ZBTB41: variants seen among roughly 807,000 people sequenced by gnomAD.
ZBTB41 encodes the protein zinc finger and BTB domain containing 41.
In ZBTB41, 42 loss-of-function variants were observed where a neutral mutation model predicts 87.6. That is an observed-to-expected ratio of 0.48 (90% CI 0.37 to 0.62). The LOEUF (loss-of-function observed/expected upper bound fraction) is 0.62, where lower values mean the gene tolerates loss of function less well. Ranked by LOEUF, ZBTB41 falls within the 20% of genes least tolerant of loss-of-function variation. The pLI is 0.00. For synonymous variants in ZBTB41, 364 were observed against 364.0 expected, an observed-to-expected ratio of 1.00 and a Z score of 0.00; for missense variants, 799 against 1,078.9, an observed-to-expected ratio of 0.74 and a Z score of 3.63.
At position 197,190,453 on chromosome 1, in the gene ZBTB41, G is replaced by C. The variant is rs564348651; in HGVS notation, c.1398+309C>G. 9.2e-5 allele frequency among the ~76,000 whole-genome samples: 14 copies of C among 152,142 alleles called. 1 individual carries two copies. The highest frequency in any genetic ancestry group is 1.9e-4 in the Non-Finnish European group (13 of 68,028). ...TTAACACCACATACCCAGAAATGGG[G>C]GAGAAAGTCTAACATTTTATACTCT... On this transcript the variant is annotated intron_variant, in intron 4 of 10. Coordinates refer to ENST00000367405, the MANE Select transcript of ZBTB41 (RefSeq NM_194314.3).
intron 5 of ZBTB41, among the ~76,000 whole-genome samples, chr1:197,181,946 T>C (rs1450324025): frequency 6.6e-6 from 1 of 152,182 alleles, no homozygotes; most frequent in Admixed American, 6.6e-5. Flanking sequence ...AAACCTCTAA[T>C]ATTTCATTTT....
intron 9 of ZBTB41, among the ~76,000 whole-genome samples, chr1:197,172,919 A>C (rs1557978423): frequency 6.6e-6 from 1 of 152,096 alleles, no homozygotes; most frequent in South Asian, 2.1e-4. Flanking sequence ...AAATTTAAAA[A>C]TGAAATATTA....
In ZBTB41 at chr1:197,199,388, C is replaced by G; in HGVS notation, c.1086G>C (p.Gln362His). The change falls in exon 2 of 11, where the codon CAG becomes CAC. Residue 362 changes from glutamine (Q) to histidine (H), a missense_variant. Gln to His is a conservative substitution (Grantham distance 24). Around this residue, in one of 5 missense-constraint regions of ZBTB41, gnomAD observed 294 missense variants for 340.1 expected, o/e 0.86. Coordinates refer to ENST00000367405, the MANE Select transcript of ZBTB41 (RefSeq NM_194314.3). The stretch of plus-strand genomic sequence containing the variant: ...CAAATGTTTTATCACATTTAGGACA[C>G]TGCAATATTTTTTTGTTGCTGTTCT... ...VIQNSNKKIL[Q>H]CPKCDKTFDR... The G allele has an allele frequency of 6.3e-7, 1 of 1,581,084 alleles. No homozygotes were observed. Among genetic ancestry groups the G allele is most frequent in the South Asian group, 1.2e-5 (1 of 84,066 alleles).
At chr1:197,164,687 A>C (rs1365667691) in intron 10 of ZBTB41, among the ~76,000 whole-genome samples, 1 of 122,716 alleles carries the variant, frequency 8.1e-6, no homozygotes, top group African/African-American at 2.8e-5. Flanking sequence ...ATATTATATT[A>C]GATATATAAT....
intron 8 of ZBTB41, chr1:197,175,827 G>A (rs1659591903): frequency 6.6e-6 from 1 of 151,804 alleles, no homozygotes; most frequent in Admixed American, 6.6e-5. Flanking sequence ...GTTAGAAGTG[G>A]TGAAAACAAC....
intron 5 of ZBTB41, among the ~76,000 whole-genome samples, chr1:197,188,069 A>C (rs1659929412): frequency 6.6e-6 from 1 of 152,100 alleles, no homozygotes; most frequent in Non-Finnish European, 1.5e-5. Flanking sequence ...CAAACGTACC[A>C]CTCTGGTGAA....
rs116865070 is a variant in ZBTB41 at position 197,190,894 on chromosome 1, G to A, written c.1329-63C>T. 6.3e-4 allele frequency: 680 copies of A among 1,086,750 alleles called. 5 individuals are homozygous for A. In the East Asian group the frequency reaches 0.017, roughly 27 times the overall value. The allele number at this position is 1,086,750 out of a possible 1,614,324, so 67.3% of individuals were successfully genotyped here. On this transcript the variant is annotated intron_variant, in intron 3 of 10. Coordinates refer to ENST00000367405, the MANE Select transcript of ZBTB41 (RefSeq NM_194314.3). ...TATATTAGTTAAATCAATATTCCAT[G>A]TGAATATGTTGACAGTAATTACCAG...
chr1:197,181,076 T>C lies in ZBTB41; in HGVS notation c.1588A>G (p.Thr530Ala). The change falls in exon 6 of 11, where the codon ACT becomes GCT. Residue 530 changes from threonine to alanine, a missense_variant. Around this residue, in one of 5 missense-constraint regions of ZBTB41, gnomAD observed 198 missense variants for 358.4 expected, o/e 0.55. Coordinates refer to ENST00000367405, the MANE Select transcript of ZBTB41 (RefSeq NM_194314.3). ...CDICGRQFND[T>A]GNLKRHIECT... is the part of the protein sequence containing the mutation. The stretch of plus-strand genomic sequence containing the variant: ...TCTATATGACGTTTCAAATTTCCAG[T>C]GTCGTTAAACTGGCGACCACATATA... The C allele has an allele frequency of 6.2e-7, 1 of 1,604,774 alleles. No individual in the cohort carries two copies. Among genetic ancestry groups the C allele is most frequent in the Non-Finnish European group, 8.5e-7 (1 of 1,177,868 alleles).
intron 8 of ZBTB41, 59 bp from the exon 9 acceptor site, chr1:197,175,174 G>T: frequency 7.1e-7 from 1 of 1,405,252 alleles, no homozygotes; most frequent in Non-Finnish European, 9.9e-7. Context: ...TTTATCCCCA[G>T]AAACAAACTA....
chr1:197,197,172 T>G (rs1442022462), intron 2 of ZBTB41, among the ~76,000 whole-genome samples: 1 of 152,072 alleles, frequency 6.6e-6, no homozygotes, highest in Non-Finnish European at 1.5e-5. Flanking sequence ...GAAGGTACTA[T>G]TAGCATCACA....
At chr1:197,187,240 G>A (rs527957434) in intron 5 of ZBTB41, among the ~76,000 whole-genome samples, 1 of 152,248 alleles carries the variant, frequency 6.6e-6, no homozygotes, top group East Asian at 1.9e-4. Context: ...CTACATAAAA[G>A]CCTACACAAA....
At chr1:197,194,336 A>C (rs1439254294) in intron 2 of ZBTB41, among the ~76,000 whole-genome samples, 1 of 152,110 alleles carries the variant, frequency 6.6e-6, no homozygotes. Context: ...TATTTCTAAC[A>C]AAAGTAGCAG....
At chr1:197,179,390 G>T (rs1412228779) in intron 6 of ZBTB41, among the ~76,000 whole-genome samples, 1 of 151,942 alleles carries the variant, frequency 6.6e-6, no homozygotes, top group African/African-American at 2.4e-5. Flanking sequence ...ATACTACATT[G>T]CCAACTGTAT....
At chr1:197,179,806 A>G (rs2125131917) in intron 6 of ZBTB41, among the ~76,000 whole-genome samples, 1 of 152,250 alleles carries the variant, frequency 6.6e-6, no homozygotes, top group South Asian at 2.1e-4. Flanking sequence ...CTTATAGAAA[A>G]TAAAATATCT....
chr1:197,195,840 A>T (rs1660149464), intron 2 of ZBTB41, among the ~76,000 whole-genome samples: 1 of 152,190 alleles, frequency 6.6e-6, no homozygotes, highest in Non-Finnish European at 1.5e-5. Context: ...CGGTAGCCTA[A>T]GGAAAAATAT....
At chr1:197,185,525 C>A (rs1659859890) in intron 5 of ZBTB41, among the ~76,000 whole-genome samples, 1 of 151,976 alleles carries the variant, frequency 6.6e-6, no homozygotes, top group Non-Finnish European at 1.5e-5. Flanking sequence ...ATTCTAAGCA[C>A]TCACAAACCT....
chr1:197,188,428 T>C lies in ZBTB41; in HGVS notation c.1410A>G (p.Lys470=), dbSNP rs1159840025. The change falls in exon 5 of 11, where the codon AAA becomes AAG. Residue 470 remains lysine, a synonymous_variant. Coordinates refer to ENST00000367405, the MANE Select transcript of ZBTB41 (RefSeq NM_194314.3). ...SESWKCDICK[K]SFTRRPHLEE... is the part of the protein sequence containing the mutation. ...CCAAGTGTGGTCTTCGAGTAAAAGA[T>C]TTCTTACAAATCTAAATTAAAATGC... 3 of 1,599,090 alleles carry C rather than the reference T, an allele frequency of 1.9e-6. No homozygotes were observed. Among genetic ancestry groups the C allele is most frequent in the Non-Finnish European group, 2.6e-6 (3 of 1,175,584 alleles).
In ZBTB41 at chr1:197,159,040, A is replaced by C. The variant is rs1392021656; in HGVS notation, c.*319T>G. 2.3e-5 allele frequency: 6 copies of C among 263,676 alleles called. No individual in the cohort carries two copies. The East Asian group carries it at 5.8e-4, about 26-fold the overall frequency. 16.3% of individuals were successfully genotyped at this position (263,676 alleles called of 1,614,324 possible). ...AGGAATGAGACTAAAGAAGAATAAA[A>C]ATTTCCACTGATGATTAAAAAAAAT... On this transcript the variant is annotated 3_prime_UTR_variant, in exon 11 of 11. Coordinates refer to ENST00000367405, the MANE Select transcript of ZBTB41 (RefSeq NM_194314.3).
chr1:197,163,830 A>G (rs1325642134), intron 10 of ZBTB41, among the ~76,000 whole-genome samples: 4 of 152,106 alleles, frequency 2.6e-5, no homozygotes, highest in African/African-American at 9.7e-5. Flanking sequence ...AAAATAACCT[A>G]TCTAAAGTGC....
Sources: allele counts gnomAD v4.1 joint callset (sites outside exome capture counted in the v4.1 genomes callset), GRCh38; gene constraint gnomAD v4.1.1; regional missense constraint gnomAD v4.1.1; transcripts MANE v1.5; gene names NCBI Gene and HGNC (gene_info 2026-07-23, HGNC 2026-07-21).